Variants in ACP6 observed in about 807,000 individuals in gnomAD.
The protein encoded by ACP6 is lysophosphatidic acid phosphatase type 6.
Under a neutral mutation model 48.1 loss-of-function variants are expected in ACP6, and 48 were observed. The ratio of observed to expected loss-of-function variants is 1.00; its 90% CI spans 0.79 to 1.27. The LOEUF is 1.27. Ranked by LOEUF, ACP6 falls within the 50% of genes most tolerant of loss-of-function variation. ACP6 has a pLI of 0.00. For missense variants in ACP6, 485 were observed against 529.1 expected (o/e 0.92, Z 0.82); for synonymous variants, 172 against 204.2 (o/e 0.84, Z 1.34).
At chr1:147,639,552 C>T (rs1659395993), downstream of ACP6, among the ~76,000 whole-genome samples, 1 of 152,152 alleles carries the variant, frequency 6.6e-6, no homozygotes, top group African/African-American at 2.4e-5. Context: ...CAATCAGTTC[C>T]TCCCAAGCTC....
At chr1:147,647,997 G>A (rs1659711458) in intron 9 of ACP6, 2 of 536,426 alleles carry the variant, frequency 3.7e-6, no homozygotes, top group Non-Finnish European at 6.6e-6. Context: ...AGGAGAAGAG[G>A]AGGGGGACCC....
intron 5 of ACP6, among the ~76,000 whole-genome samples, chr1:147,635,961 T>C (rs1553207945): frequency 6.6e-6 from 1 of 152,188 alleles, no homozygotes; most frequent in African/African-American, 2.4e-5. Context: ...TATGAAAATA[T>C]AGAGTTGCAT....
chr1:147,653,570 C>T (rs1303533070), intron 6 of ACP6, among the ~76,000 whole-genome samples: 2 of 152,126 alleles, frequency 1.3e-5, no homozygotes, highest in East Asian at 1.9e-4. Flanking sequence ...GCCTTCTAAC[C>T]TTAAACCTAT....
chr1:147,650,369 G>T, intron 7 of ACP6, 131 bp from the exon 8 acceptor site: 1 of 589,590 alleles, frequency 1.7e-6, no homozygotes. Flanking sequence ...ATAAGGGCCA[G>T]CAACGGGCCA....
intron 9 of ACP6, chr1:147,647,806 C>T (rs587731332): frequency 1.7e-6 from 1 of 591,454 alleles, no homozygotes; most frequent in East Asian, 3.0e-5. Flanking sequence ...CATCCCCGAG[C>T]TGGGAGAACC....
intron 5 of ACP6, among the ~76,000 whole-genome samples, chr1:147,654,928 C>T (rs1660165079): frequency 1.3e-5 from 2 of 152,210 alleles, no homozygotes. Context: ...CTCGCTAGCC[C>T]AGTGTGCGGC....
chr1:147,641,558 A>G (rs1452740991), downstream of ACP6, among the ~76,000 whole-genome samples: 2 of 152,320 alleles, frequency 1.3e-5, no homozygotes, highest in East Asian at 3.9e-4. Context: ...TCACTTTGCC[A>G]TACACGGGTG....
At chr1:147,632,136 T>G (rs1250118142) in intron 5 of ACP6, among the ~76,000 whole-genome samples, 1 of 151,626 alleles carries the variant, frequency 6.6e-6, no homozygotes, top group African/African-American at 2.4e-5. Context: ...CTCAGCTTAT[T>G]TGTCATCTCC....
At position 147,643,181 on chromosome 1, in the gene ACP6, G is replaced by C. The variant is rs1274874381; in HGVS notation, c.*4242C>G. On this transcript the variant is annotated 3_prime_UTR_variant, in exon 10 of 10. Coordinates refer to ENST00000583509, the MANE Select transcript of ACP6 (RefSeq NM_016361.5). ...CATTCAGTCCTCAACATCATTGATA[G>C]GTTCTTGGAAACTGTAGCTTTAAGT... The C allele has an allele frequency of 1.3e-5, 2 of 152,172 alleles. No homozygotes were observed. Among genetic ancestry groups the C allele is most frequent in the African/African-American group, 4.8e-5 (2 of 41,446 alleles). The allele number at this position is 152,172 out of a possible 1,614,324, so 9.4% of individuals were successfully genotyped here. A position where few individuals can be genotyped will look rare whatever the true frequency, so the allele number is the denominator to read the frequency against.
At chr1:147,659,344 C>A in intron 3 of ACP6, 52 bp downstream of exon 3, 1 of 1,593,110 alleles carries the variant, frequency 6.3e-7, no homozygotes, top group Non-Finnish European at 8.5e-7. Flanking sequence ...GACAGGTATC[C>A]TCATGTTCAA....
At chr1:147,666,282 G>A (rs1553213629) in intron 1 of ACP6, among the ~76,000 whole-genome samples, 1 of 152,216 alleles carries the variant, frequency 6.6e-6, no homozygotes, top group African/African-American at 2.4e-5. Context: ...AAAGAGGATA[G>A]AGTAATATAA....
chr1:147,638,480 T>C (rs1163825468), downstream of ACP6, among the ~76,000 whole-genome samples: 4 of 152,118 alleles, frequency 2.6e-5, no homozygotes, highest in Non-Finnish European at 4.4e-5. Flanking sequence ...TATATATGTA[T>C]ATACATATAT....
chr1:147,659,149 C>G lies in ACP6; in HGVS notation c.480-110G>C, dbSNP rs587723124. 2.9e-5 allele frequency: 33 copies of G among 1,135,906 alleles called. No individual in the cohort carries two copies. In the African/African-American group the frequency reaches 4.6e-4, roughly 16 times the overall value. The allele number at this position is 1,135,906 out of a possible 1,614,324, so 70.4% of individuals were successfully genotyped here. ...GTCTTTCAAGAGTACATAAGGAGAG[C>G]TATGGAACTAGGAAGAATGCTTCAC... On this transcript the variant is annotated intron_variant, in intron 3 of 9. Coordinates refer to ENST00000583509, the MANE Select transcript of ACP6 (RefSeq NM_016361.5).
At chr1:147,652,360 G>T in intron 7 of ACP6, 89 bp downstream of exon 7, 2 of 1,304,776 alleles carry the variant, frequency 1.5e-6, no homozygotes, top group Admixed American at 2.4e-5. Context: ...TCAGCTGTCA[G>T]GTGTGAGTGG....
In ACP6 at chr1:147,647,416, A is replaced by G. The variant is rs1659672743; in HGVS notation, c.*7T>C. 6.2e-7 allele frequency: 1 copy of G among 1,613,924 alleles called. No individual in the cohort carries two copies. Among genetic ancestry groups the G allele is most frequent in the Admixed American group, 1.7e-5 (1 of 59,974 alleles). ...TAAAATCAACACATCCTGCTTTTAT[A>G]AATCAGTTACTCTTCATTTCCAACT... is the stretch of plus-strand genomic sequence containing the variant. On this transcript the variant is annotated 3_prime_UTR_variant, in exon 10 of 10. Transcript: ENST00000583509.
intron 1 of ACP6, among the ~76,000 whole-genome samples, chr1:147,668,879 C>T (rs1279790473): frequency 6.6e-6 from 1 of 152,156 alleles, no homozygotes; most frequent in African/African-American, 2.4e-5. Context: ...AGACACAATC[C>T]TGAAGGTTTC....
intron 5 of ACP6, among the ~76,000 whole-genome samples, chr1:147,631,621 C>T (rs1466971537): frequency 6.6e-6 from 1 of 152,108 alleles, no homozygotes; most frequent in African/African-American, 2.4e-5. Flanking sequence ...CGAGACCATC[C>T]TGGCCAACAT....
chr1:147,632,560 A>G (rs587629825), intron 5 of ACP6, among the ~76,000 whole-genome samples: 1 of 152,254 alleles, frequency 6.6e-6, no homozygotes, highest in South Asian at 2.1e-4. Flanking sequence ...AAGCAGGCCA[A>G]ATGACAGCGA....
intron 1 of ACP6, among the ~76,000 whole-genome samples, chr1:147,668,928 C>A (rs1461068192): frequency 6.6e-6 from 1 of 152,132 alleles, no homozygotes; most frequent in Non-Finnish European, 1.5e-5. Flanking sequence ...TACCTAACAT[C>A]AATTTTGGAC....
Sources: allele counts gnomAD v4.1 joint callset (sites outside exome capture counted in the v4.1 genomes callset), GRCh38; gene constraint gnomAD v4.1.1; transcripts MANE v1.5; gene names NCBI Gene and HGNC (gene_info 2026-07-23, HGNC 2026-07-21).